Variants in GLCCI1 observed in about 807,000 individuals in gnomAD.
GLCCI1 encodes glucocorticoid induced 1.
In GLCCI1, 24 loss-of-function variants were observed where a neutral mutation model predicts 52.2. That is an observed-to-expected ratio of 0.46 (90% CI 0.33 to 0.65). GLCCI1 has a LOEUF of 0.65. GLCCI1 is among the 30% of genes least tolerant of loss of function. The pLI, the probability that GLCCI1 is intolerant of heterozygous loss-of-function variation, is 0.02. For synonymous variants in GLCCI1, 310 were observed against 276.5 expected, an observed-to-expected ratio of 1.12 and a Z score of -1.20; for missense variants, 704 against 701.5, an observed-to-expected ratio of 1.00 and a Z score of -0.04.
rs546680163 is a variant in GLCCI1 at position 8,084,267 on chromosome 7, A to C, written c.1178-630A>C. 5.3e-5 allele frequency among the ~76,000 whole-genome samples: 8 copies of C among 152,252 alleles called. No homozygotes were observed. In the South Asian group the frequency reaches 1.7e-3, roughly 32 times the overall value. Reference sequence around the variant, plus strand: ...ACGTGTTAGGTAGAGATGTTTGGAGATTTTGCATGTCTTCTAGTAGCAAAA... The same window carrying C: ...ACGTGTTAGGTAGAGATGTTTGGAGCTTTTGCATGTCTTCTAGTAGCAAAA... On this transcript the variant is annotated intron_variant, in intron 6 of 7. Transcript: ENST00000223145.
At chr7:8,008,954 T>C (rs1243863629) in intron 2 of GLCCI1, among the ~76,000 whole-genome samples, 1 of 152,062 alleles carries the variant, frequency 6.6e-6, no homozygotes, top group African/African-American at 2.4e-5. Context: ...TAAAAAAAAA[T>C]TCATGACCCA....
chr7:8,058,966 T>G (rs1265527283), intron 4 of GLCCI1, among the ~76,000 whole-genome samples: 1 of 152,120 alleles, frequency 6.6e-6, no homozygotes, highest in East Asian at 1.9e-4. Context: ...AATAAAAGCA[T>G]AAGGAAGAAA....
At chr7:8,024,834 G>A (rs943500006) in intron 3 of GLCCI1, 1 of 152,200 alleles carries the variant, frequency 6.6e-6, no homozygotes, top group Non-Finnish European at 1.5e-5. Context: ...GCACAAATTC[G>A]TGATCTGGTG....
Position 7,999,496 on chromosome 7 carries a change from T to G in GLCCI1, c.458-4412T>G, listed in dbSNP as rs1267745963. 4.6e-5 allele frequency among the ~76,000 whole-genome samples: 7 copies of G among 152,154 alleles called. No homozygotes were observed. In the East Asian group the frequency reaches 1.4e-3, roughly 29 times the overall value. On this transcript the variant is annotated intron_variant, in intron 1 of 7. Transcript: ENST00000223145. ...GGTGGTGCACACCTATAGTCCTAAC[T>G]ACTGTAGAGCTGACGTGGGAGGATA...
At chr7:7,987,930 A>G (rs557942563) in intron 1 of GLCCI1, among the ~76,000 whole-genome samples, 1 of 152,258 alleles carries the variant, frequency 6.6e-6, no homozygotes, top group South Asian at 2.1e-4. Flanking sequence ...GAAACTCACT[A>G]TCTTTGTATG....
chr7:7,998,189 TTTG>T (rs1239545486), intron 1 of GLCCI1, among the ~76,000 whole-genome samples: 9 of 143,086 alleles, frequency 6.3e-5, no homozygotes, highest in South Asian at 2.3e-4. Flanking sequence ...TTTTTTTTTT[TTTG>T]TTGTTGTTGT....
At chr7:8,001,134 C>T (rs963889465) in intron 1 of GLCCI1, among the ~76,000 whole-genome samples, 5 of 152,132 alleles carry the variant, frequency 3.3e-5, no homozygotes, top group South Asian at 2.1e-4. Flanking sequence ...TTCCTAGCAT[C>T]GGTGGTCTTT....
chr7:7,976,604 A>G (rs940852296), intron 1 of GLCCI1, among the ~76,000 whole-genome samples: 2 of 151,688 alleles, frequency 1.3e-5, no homozygotes, highest in African/African-American at 2.4e-5. Flanking sequence ...ATTGTCTACC[A>G]GGTTATTAGA....
intron 1 of GLCCI1, among the ~76,000 whole-genome samples, chr7:7,972,578 T>G (rs1172318539): frequency 6.6e-6 from 1 of 152,180 alleles, no homozygotes; most frequent in Non-Finnish European, 1.5e-5. Context: ...ATGATTCTTT[T>G]ACCAAAAAAT....
chr7:8,010,761 T>G (rs1781247498), intron 2 of GLCCI1, among the ~76,000 whole-genome samples: 1 of 152,178 alleles, frequency 6.6e-6, no homozygotes, highest in Non-Finnish European at 1.5e-5. Flanking sequence ...AACAGGTTTT[T>G]GGGGGACACA....
At chr7:8,004,216 A>T (rs1255299463) in intron 2 of GLCCI1, 157 bp downstream of exon 2, 2 of 684,600 alleles carry the variant, frequency 2.9e-6, no homozygotes, top group Admixed American at 3.1e-5. Flanking sequence ...CTTTGCAGTA[A>T]TTGTTTTTTG....
Position 7,969,173 on chromosome 7 carries a change from AGGCGGCGG to A in GLCCI1, c.-175_-168del. ...GCAGCCTTCCCCTCCCCCCTCGCCG[AGGCGGCGG>A]GGGTGTGCGTTGGGGAGGGGGAGCC... On this transcript the variant is annotated 5_prime_UTR_variant, in exon 1 of 8. Transcript: ENST00000223145. This position sits in a 1 kb window ranked among gnomAD's most constrained non-coding sequence, Gnocchi z 4.9. 3.9e-6 allele frequency: 2 copies of A among 506,718 alleles called. No homozygotes were observed. Among genetic ancestry groups the A allele is most frequent in the Non-Finnish European group, 5.4e-6 (2 of 369,822 alleles). 31.4% of individuals were successfully genotyped at this position (506,718 alleles called of 1,614,324 possible). A position where few individuals can be genotyped will look rare whatever the true frequency, so the allele number is the denominator to read the frequency against.
intron 2 of GLCCI1, among the ~76,000 whole-genome samples, chr7:8,010,013 A>G (rs1781233014): frequency 6.6e-6 from 1 of 150,724 alleles, no homozygotes; most frequent in Non-Finnish European, 1.5e-5. Flanking sequence ...TAAAAATTGT[A>G]TCTTTAATGG....
intron 3 of GLCCI1, among the ~76,000 whole-genome samples, chr7:8,023,285 A>C (rs1781533358): frequency 6.6e-6 from 1 of 151,962 alleles, no homozygotes; most frequent in South Asian, 2.1e-4. Flanking sequence ...AAAGTGCTGG[A>C]ATTACAGGCG....
intron 1 of GLCCI1, among the ~76,000 whole-genome samples, chr7:7,991,047 A>G (rs756506517): frequency 6.6e-6 from 1 of 152,066 alleles, no homozygotes; most frequent in Non-Finnish European, 1.5e-5. Context: ...ACAGATTTCT[A>G]TTTATCATTT....
intron 3 of GLCCI1, among the ~76,000 whole-genome samples, chr7:8,029,552 A>C (rs897919853): frequency 3.3e-5 from 5 of 152,230 alleles, no homozygotes; most frequent in Non-Finnish European, 7.4e-5. Flanking sequence ...TAGTACTGGA[A>C]GTCTTAGCTG....
In GLCCI1 at chr7:7,968,858, C is replaced by T. The variant is rs543313584; in HGVS notation, c.-493C>T. ...GCGGCGGCGGCGGCGTTTGCGGTGGCGCGGACTCCGAGGAGCGCCAGCACC... is the reference window on the plus strand; with the variant it reads ...GCGGCGGCGGCGGCGTTTGCGGTGGTGCGGACTCCGAGGAGCGCCAGCACC... On this transcript the variant is annotated 5_prime_UTR_variant, in exon 1 of 8. Transcript: ENST00000223145. 56 of 158,920 alleles carry T rather than the reference C, an allele frequency of 3.5e-4. No homozygotes were observed. Among genetic ancestry groups the T allele is most frequent in the South Asian group, 3.0e-3 (19 of 6,322 alleles). The allele number at this position is 158,920 out of a possible 1,614,324, so 9.8% of individuals were successfully genotyped here. A position where few individuals can be genotyped will look rare whatever the true frequency, so the allele number is the denominator to read the frequency against.
intron 1 of GLCCI1, chr7:7,980,851 A>T (rs1026104940): frequency 7.6e-6 from 5 of 660,800 alleles, no homozygotes; most frequent in Admixed American, 6.9e-5. Flanking sequence ...CCATATCAGG[A>T]TATCAGGATA....
Position 8,055,430 on chromosome 7 carries a change from A to T in GLCCI1, c.697-3A>T. ...TCTTACTTCTCTTTCCCTGTCCCCAAAGCAGATCGCCAAACTGAGGCAGCA... is the reference window on the plus strand; with the variant it reads ...TCTTACTTCTCTTTCCCTGTCCCCATAGCAGATCGCCAAACTGAGGCAGCA... On this transcript the variant is annotated splice_polypyrimidine_tract_variant and splice_region_variant and intron_variant, in intron 3 of 7. Transcript: ENST00000223145. The T allele has an allele frequency of 1.2e-6, 2 of 1,601,060 alleles. No individual in the cohort carries two copies. The highest frequency in any genetic ancestry group is 2.7e-5 in the African/African-American group (2 of 74,782).
Sources: allele counts gnomAD v4.1 joint callset (sites outside exome capture counted in the v4.1 genomes callset), GRCh38; gene constraint gnomAD v4.1.1; non-coding constraint Gnocchi (gnomAD v3.1); transcripts MANE v1.5; gene names NCBI Gene and HGNC (gene_info 2026-07-23, HGNC 2026-07-21).